Variants in NCAPD2 observed in about 807,000 individuals in gnomAD.
NCAPD2 encodes non-SMC condensin I complex subunit D2.
In NCAPD2, 100 loss-of-function variants were observed where a neutral mutation model predicts 164.5. That is an observed-to-expected ratio of 0.61 (90% CI 0.52 to 0.72). NCAPD2 has a LOEUF of 0.72. NCAPD2 is among the 30% of genes least tolerant of loss of function. The probability of loss-of-function intolerance (pLI) is 0.00; values close to 1 mark genes in which losing one functional copy is unlikely to be tolerated. For missense variants in NCAPD2, 1,560 were observed against 1,749.2 expected (o/e 0.89, Z 1.93); for synonymous variants, 585 against 642.6 (o/e 0.91, Z 1.36).
chr12:6,501,851 AAAAC>A (rs1946040515), intron 2 of NCAPD2, among the ~76,000 whole-genome samples: 1 of 152,242 alleles, frequency 6.6e-6, no homozygotes, highest in Admixed American at 6.5e-5. Flanking sequence ...GAGTGTTTCA[AAAAC>A]AAAAGAGAGG....
At chr12:6,503,588 G>A (rs965097193) in intron 2 of NCAPD2, among the ~76,000 whole-genome samples, 1 of 152,012 alleles carries the variant, frequency 6.6e-6, no homozygotes, top group Non-Finnish European at 1.5e-5. Context: ...TGGCCAATAT[G>A]GTGAAACCCC....
chr12:6,529,625 T>G, intron 28 of NCAPD2, 32 bp downstream of exon 28: 1 of 1,612,072 alleles, frequency 6.2e-7, no homozygotes, highest in Non-Finnish European at 8.5e-7. Flanking sequence ...TTCTTTGTGC[T>G]GAGCGGGGCC....
intron 2 of NCAPD2, among the ~76,000 whole-genome samples, chr12:6,507,933 A>G (rs1258173929): frequency 6.6e-6 from 1 of 152,250 alleles, no homozygotes; most frequent in South Asian, 2.1e-4. Flanking sequence ...AAACCTCATC[A>G]TATCCCACAG....
chr12:6,523,725 T>G (rs148531495), intron 17 of NCAPD2, among the ~76,000 whole-genome samples: 1 of 152,348 alleles, frequency 6.6e-6, no homozygotes, highest in East Asian at 1.9e-4. Context: ...TTACTATGTA[T>G]TTAGCAATTT....
chr12:6,520,806 A>G (rs1378928803), intron 13 of NCAPD2, among the ~76,000 whole-genome samples, 180 bp from the exon 14 acceptor site: 17 of 152,194 alleles, frequency 1.1e-4, no homozygotes. Context: ...GGGGAAAAAA[A>G]TAGGCAAAGT....
chr12:6,510,157 G>A (rs1340414254), intron 4 of NCAPD2, 24 bp downstream of exon 4: 10 of 1,583,252 alleles, frequency 6.3e-6, no homozygotes, highest in Non-Finnish European at 8.7e-6. Context: ...AGGGGGTAGG[G>A]GATGGAAGGT....
Position 6,510,708 on chromosome 12 carries a change from A to G in NCAPD2, c.342A>G (p.Leu114=). The change falls in exon 5 of 32, where the codon CTA becomes CTG. Residue 114 remains leucine (L), a synonymous_variant. Coordinates refer to ENST00000315579, the MANE Select transcript of NCAPD2 (RefSeq NM_014865.4). The part of the protein sequence containing the change: ...TLSGSDRNAH[L]NALKMNCYAL... ...GTGGATCAGATAGAAACGCCCATCT[A>G]AATGCCCTCAAAATGAACTGTTATG... 1.2e-6 allele frequency: 2 copies of G among 1,614,194 alleles called. No homozygotes were observed. The highest frequency in any genetic ancestry group is 1.7e-6 in the Non-Finnish European group (2 of 1,180,026).
chr12:6,525,844 T>A, intron 18 of NCAPD2, 128 bp downstream of exon 18: 1 of 1,359,900 alleles, frequency 7.4e-7, no homozygotes, highest in Non-Finnish European at 9.9e-7. Flanking sequence ...TAACGCCACC[T>A]AAATGGAAAA....
chr12:6,526,322 G>A lies in NCAPD2; in HGVS notation c.2517G>A (p.Leu839=), dbSNP rs1031283705. The A allele has an allele frequency of 1.1e-5, 18 of 1,614,026 alleles. No individual in the cohort carries two copies. The highest frequency in any genetic ancestry group is 1.6e-4 in the Middle Eastern group (1 of 6,084). The change falls in exon 20 of 32, where the codon CTG becomes CTA. Residue 839 remains leucine, a synonymous_variant. Coordinates refer to ENST00000315579, the MANE Select transcript of NCAPD2 (RefSeq NM_014865.4). ...GCAAACGTCACCCCCCCTTCCGGCT[G>A]CCTCAGGAACACAGGTTGTTTGAGC... ...SLGKRHPPFR[L]PQEHRLFERL... is the part of the protein sequence containing the mutation.
chr12:6,526,455 C>T lies in NCAPD2; in HGVS notation c.2574C>T (p.Val858=). 6.2e-7 allele frequency: 1 copy of T among 1,614,188 alleles called. No individual in the cohort carries two copies. The highest frequency in any genetic ancestry group is 8.5e-7 in the Non-Finnish European group (1 of 1,180,036). ...CTCCCTCCTCCTCTGCAGGCTTTGT[C>T]CACCCAGACCCACTCTGGATCCCAT... ...RLRETVTKGF[V]HPDPLWIPFK... is the part of the protein sequence containing the mutation. The change falls in exon 21 of 32, where the codon GTC becomes GTT. Residue 858 remains valine (V), a synonymous_variant. Transcript: ENST00000315579.
chr12:6,529,919 T>A lies in NCAPD2; in HGVS notation c.3798T>A (p.Val1266=), dbSNP rs1946355989. ...CCATCTTCAGTGCTTTTTTGTCAGT[T>A]GTAGGCAAGCTGCGACGTGGGGCCA... ...DESIFSAFLS[V]VGKLRRGAKP... Residue 1266 remains valine (V), a synonymous_variant, in exon 29 of 32, where the codon GTT becomes GTA. Transcript: ENST00000315579. 1 of 1,614,100 alleles carries A rather than the reference T, an allele frequency of 6.2e-7. No individual in the cohort carries two copies. Among genetic ancestry groups the A allele is most frequent in the Admixed American group, 1.7e-5 (1 of 60,012 alleles).
In NCAPD2 at chr12:6,526,307, C is replaced by T. The variant is rs1406760706; in HGVS notation, c.2502C>T (p.His834=). 1 of 1,614,092 alleles carries T rather than the reference C, an allele frequency of 6.2e-7. No individual in the cohort carries two copies. Among genetic ancestry groups the T allele is most frequent in the Admixed American group, 1.7e-5 (1 of 60,000 alleles). Residue 834 remains histidine (H), a synonymous_variant, in exon 20 of 32, where the codon CAC becomes CAT. Transcript: ENST00000315579. ...CACAGCCTTCTCTGGGCAAACGTCA[C>T]CCCCCCTTCCGGCTGCCTCAGGAAC... ...DRRKPSLGKR[H]PPFRLPQEHR... is the part of the protein sequence containing the mutation.
intron 13 of NCAPD2, among the ~76,000 whole-genome samples, chr12:6,518,582 A>G (rs1196747710): frequency 7.8e-6 from 1 of 128,160 alleles, no homozygotes; most frequent in South Asian, 2.5e-4. Context: ...GTACAGTGAC[A>G]CGATCTTGGC....
At position 6,518,504 on chromosome 12, in the gene NCAPD2, G is replaced by GTTTTTGTTTTTTTTTTTTTTTTTTTTT. The variant is rs746627585; in HGVS notation, c.1589+550_1589+551insGTTTTTTTTTTTTTTTTTTTTTTTTTT. On this transcript the variant is annotated intron_variant, in intron 13 of 31. Coordinates refer to ENST00000315579, the MANE Select transcript of NCAPD2 (RefSeq NM_014865.4). ...CAAAAGCCCTTACAGCCGTCAACAA[G>GTTTTTGTTTTTTTTTTTTTTTTTTTTT]TTTTTTTTTTTTTTTTTTTTTTTTT... Among the ~76,000 whole-genome samples the GTTTTTGTTTTTTTTTTTTTTTTTTTTT allele has an allele frequency of 6.9e-4, 31 of 44,782 alleles. 8 individuals are homozygous for GTTTTTGTTTTTTTTTTTTTTTTTTTTT. The highest frequency in any genetic ancestry group is 2.1e-3 in the African/African-American group (21 of 9,800). The allele number at this position is 44,782 out of a possible 152,430, so 29.4% of individuals were successfully genotyped here. A position where few individuals can be genotyped will look rare whatever the true frequency, so the allele number is the denominator to read the frequency against.
At chr12:6,510,489 A>G in intron 4 of NCAPD2, 140 bp from the exon 5 acceptor site, 1 of 995,942 alleles carries the variant, frequency 1.0e-6, no homozygotes, top group South Asian at 1.3e-5. Context: ...AGGGTCCTAA[A>G]GGACTTAGCT....
Position 6,511,100 on chromosome 12 carries a change from TC to T in NCAPD2, c.445-8del, listed in dbSNP as rs1359153625. ...TATTTTTTCCTCAATGTATACATGA[TC>T]CTTTTTAGGGTAAGAAAGCTCGGAC... On this transcript the variant is annotated splice_polypyrimidine_tract_variant and intron_variant, in intron 5 of 31. Transcript: ENST00000315579. 8 of 1,613,268 alleles carry T rather than the reference TC, an allele frequency of 5.0e-6. No homozygotes were observed. The highest frequency in any genetic ancestry group is 6.8e-6 in the Non-Finnish European group (8 of 1,179,802).
chr12:6,529,892 G>A lies in NCAPD2; in HGVS notation c.3771G>A (p.Glu1257=). 6.2e-7 allele frequency: 1 copy of A among 1,614,268 alleles called. No homozygotes were observed. Among genetic ancestry groups the A allele is most frequent in the Non-Finnish European group, 8.5e-7 (1 of 1,180,048 alleles). Residue 1257 remains glutamate (E), a synonymous_variant, in exon 29 of 32, where the codon GAG becomes GAA. Transcript: ENST00000315579. ...FDCFGDKLSD[E]SIFSAFLSVV... ...GTTTTGGAGACAAACTGTCAGATGA[G>A]TCCATCTTCAGTGCTTTTTTGTCAG... is the stretch of plus-strand genomic sequence containing the variant.
At chr12:6,512,425 G>A (rs1946160045) in intron 6 of NCAPD2, among the ~76,000 whole-genome samples, 1 of 152,194 alleles carries the variant, frequency 6.6e-6, no homozygotes, top group South Asian at 2.1e-4. Flanking sequence ...TGGAGGAATA[G>A]CAAGGGCAGG....
intron 2 of NCAPD2, among the ~76,000 whole-genome samples, chr12:6,504,195 A>ATG (rs1565539543): frequency 3.5e-5 from 1 of 28,952 alleles, no homozygotes; most frequent in Non-Finnish European, 5.2e-5. Flanking sequence ...ATATATATAT[A>ATG]TATATATATA....
Sources: gnomAD v4.1 joint callset for allele counts (sites outside exome capture counted in the v4.1 genomes callset) on GRCh38, gnomAD v4.1.1 for gene constraint, MANE v1.5 for transcripts, NCBI Gene and HGNC (gene_info 2026-07-23, HGNC 2026-07-21) for gene names.